BCAS2: variants seen among roughly 807,000 people sequenced by gnomAD.
The protein encoded by BCAS2 is pre-mRNA-splicing factor SPF27.
In BCAS2, 34 loss-of-function variants were observed where a neutral mutation model predicts 35.3. The ratio of observed to expected loss-of-function variants is 0.96; its 90% CI spans 0.73 to 1.28. The LOEUF (loss-of-function observed/expected upper bound fraction) is 1.28. Among genes scored for constraint, BCAS2 ranks in the 50% most tolerant of loss-of-function variants. The pLI, the probability that BCAS2 is intolerant of heterozygous loss-of-function variation, is 0.00. For missense variants in BCAS2, 221 were observed against 268.1 expected, an observed-to-expected ratio of 0.82 and a Z score of 1.23; for synonymous variants, 75 against 91.6, an observed-to-expected ratio of 0.82 and a Z score of 1.03.
chr1:114,570,174 A>G (rs1269104638), intron 5 of BCAS2, 102 bp from the exon 6 acceptor site: 2 of 803,240 alleles, frequency 2.5e-6, no homozygotes, highest in Non-Finnish European at 4.1e-6. Context: ...CATGAGAACA[A>G]TATTATGTAC....
chr1:114,581,198 T>C, intron 2 of BCAS2, 101 bp downstream of exon 2: 1 of 1,159,012 alleles, frequency 8.6e-7, no homozygotes, highest in Non-Finnish European at 1.3e-6. Flanking sequence ...AGGTAAGTAG[T>C]AGCTATGCAG....
rs1004092827 is a variant in BCAS2 at position 114,578,388 on chromosome 1, G to A, written c.187-1630C>T. On this transcript the variant is annotated intron_variant, in intron 2 of 6. Coordinates refer to ENST00000369541, the MANE Select transcript of BCAS2 (RefSeq NM_005872.3). ...AGAAAATTCTGCAGTGACAGACAAGGAGTAAACAGCCAATTAAACACGAGG... is the reference window on the plus strand; with the variant it reads ...AGAAAATTCTGCAGTGACAGACAAGAAGTAAACAGCCAATTAAACACGAGG... 5.3e-4 allele frequency among the ~76,000 whole-genome samples: 80 copies of A among 151,696 alleles called. 1 individual carries two copies. Among genetic ancestry groups the A allele is most frequent in the Non-Finnish European group, 1.9e-4 (13 of 67,986 alleles).
At position 114,568,025 on chromosome 1, in the gene BCAS2, A is replaced by C. The variant is rs1436918554; in HGVS notation, c.*105T>G. 8.3e-6 allele frequency: 12 copies of C among 1,443,918 alleles called. No homozygotes were observed. The East Asian group carries it at 2.3e-4, about 27-fold the overall frequency. 89.4% of individuals were successfully genotyped at this position (1,443,918 alleles called of 1,614,324 possible). A position where few individuals can be genotyped will look rare whatever the true frequency, so the allele number is the denominator to read the frequency against. On this transcript the variant is annotated 3_prime_UTR_variant, in exon 7 of 7. Coordinates refer to ENST00000369541, the MANE Select transcript of BCAS2 (RefSeq NM_005872.3). Reference sequence around the variant, plus strand: ...ACCTTCTATGATTTCTAAACACTTAAACATCAATGGTTTTGGGAAGATGCT... The same window carrying C: ...ACCTTCTATGATTTCTAAACACTTACACATCAATGGTTTTGGGAAGATGCT...
chr1:114,581,181 A>G, intron 2 of BCAS2, 118 bp downstream of exon 2: 1 of 994,690 alleles, frequency 1.0e-6, no homozygotes, highest in Non-Finnish European at 1.6e-6. Context: ...ACTGACACCT[A>G]TACAGTAGGT....
chr1:114,569,176 GAA>G (rs1392600094), intron 6 of BCAS2, among the ~76,000 whole-genome samples: 1 of 152,018 alleles, frequency 6.6e-6, no homozygotes, highest in Non-Finnish European at 1.5e-5. Flanking sequence ...GAAGAAAGAG[GAA>G]AGAGTGATGA....
intron 4 of BCAS2, among the ~76,000 whole-genome samples, chr1:114,573,804 G>A (rs879442965): frequency 1.3e-5 from 2 of 152,094 alleles, no homozygotes; most frequent in African/African-American, 4.8e-5. Flanking sequence ...TGGCTTTGTA[G>A]AGTTTCCCAA....
In BCAS2 at chr1:114,570,058, T is replaced by A. The variant is rs765970249; in HGVS notation, c.485A>T (p.Asp162Val). The A allele has an allele frequency of 2.5e-6, 4 of 1,610,230 alleles. No homozygotes were observed. The highest frequency in any genetic ancestry group is 3.4e-6 in the Non-Finnish European group (4 of 1,176,824). Residue 162 changes from aspartate to valine, a missense_variant, in exon 6 of 7, where the codon GAT (aspartate) becomes GTT (valine). Asp to Val is a radical substitution (Grantham distance 152, BLOSUM62 -3). Transcript: ENST00000369541. ...ELQKLRKHIQ[D>V]LNWQRKNMQL... The stretch of plus-strand genomic sequence containing the variant: ...CATGTTCTTTCTCTGCCAGTTTAAA[T>A]CTTGAATATGTTTTCTGTAAAAAAT...
In BCAS2 at chr1:114,581,615, C is replaced by T. The variant is rs757027294; in HGVS notation, c.-24G>A. On this transcript the variant is annotated 5_prime_UTR_variant, in exon 1 of 7. Coordinates refer to ENST00000369541, the MANE Select transcript of BCAS2 (RefSeq NM_005872.3). ...ATTCTGAGGACCTCAGGTTTGCCTG[C>T]GTTTTCTGCGTCTGCGTAAACTCAG... 6.2e-7 allele frequency: 1 copy of T among 1,610,822 alleles called. No individual in the cohort carries two copies. Among genetic ancestry groups the T allele is most frequent in the South Asian group, 1.1e-5 (1 of 90,934 alleles).
chr1:114,567,864 C>A lies in BCAS2; in HGVS notation c.*266G>T, dbSNP rs1193778145. Reference sequence around the variant, plus strand: ...TGGTCCACATGGCTGAAAATTAATTCTATGACACAATATTATTCTAAAGTC... The same window carrying A: ...TGGTCCACATGGCTGAAAATTAATTATATGACACAATATTATTCTAAAGTC... On this transcript the variant is annotated 3_prime_UTR_variant, in exon 7 of 7. Coordinates refer to ENST00000369541, the MANE Select transcript of BCAS2 (RefSeq NM_005872.3). 1.0e-5 allele frequency: 3 copies of A among 300,784 alleles called. No individual in the cohort carries two copies. The highest frequency in any genetic ancestry group is 4.3e-5 in the African/African-American group (2 of 46,442). 18.6% of individuals were successfully genotyped at this position (300,784 alleles called of 1,614,324 possible). A position where few individuals can be genotyped will look rare whatever the true frequency, so the allele number is the denominator to read the frequency against.
Position 114,570,739 on chromosome 1 carries a change from T to G in BCAS2, c.431A>C (p.His144Pro). ...AWKVYNENLV[H>P]MIEHAQKELQ... is the part of the protein sequence containing the mutation. ...TTCCTTCTGTGCGTGTTCAATCATA[T>G]GAACTAGATTTCTGAAGGAAAAGAG... The change falls in exon 5 of 7, where the codon CAT (histidine) becomes CCT (proline). Residue 144 changes from histidine to proline, a missense_variant. Physicochemically the swap from His to Pro is moderately conservative, Grantham distance 77 (BLOSUM62 -2). Transcript: ENST00000369541. 6.3e-7 allele frequency: 1 copy of G among 1,588,224 alleles called. No individual in the cohort carries two copies. The highest frequency in any genetic ancestry group is 8.6e-7 in the Non-Finnish European group (1 of 1,162,614).
chr1:114,577,154 G>T (rs1013953275), intron 2 of BCAS2, among the ~76,000 whole-genome samples: 4 of 152,150 alleles, frequency 2.6e-5, no homozygotes, highest in Non-Finnish European at 5.9e-5. Context: ...GGTTATGAAG[G>T]CTCAATCCAT....
chr1:114,572,051 C>T (rs1654660452), intron 4 of BCAS2, among the ~76,000 whole-genome samples: 2 of 152,112 alleles, frequency 1.3e-5, no homozygotes. Context: ...ATATCAATTT[C>T]CTCTTAAGGC....
intron 3 of BCAS2, among the ~76,000 whole-genome samples, chr1:114,576,002 T>C (rs1180524592): frequency 6.6e-6 from 1 of 152,160 alleles, no homozygotes; most frequent in Non-Finnish European, 1.5e-5. Flanking sequence ...GATTGTTACA[T>C]TAGCTATTAA....
intron 2 of BCAS2, among the ~76,000 whole-genome samples, chr1:114,577,373 A>T (rs920075138): frequency 1.3e-4 from 20 of 150,678 alleles, no homozygotes; most frequent in Non-Finnish European, 1.9e-4. Context: ...TTATTTATTT[A>T]TTTATTTTTT....
chr1:114,570,193 G>T, intron 5 of BCAS2, 121 bp from the exon 6 acceptor site: 1 of 669,880 alleles, frequency 1.5e-6, no homozygotes, highest in Non-Finnish European at 2.6e-6. Context: ...ACAGTTATAG[G>T]CTAACTGTAG....
intron 4 of BCAS2, 79 bp from the exon 5 acceptor site, chr1:114,570,829 C>T (rs1310970248): frequency 3.0e-6 from 3 of 1,001,068 alleles, no homozygotes; most frequent in East Asian, 5.2e-5. Context: ...AGTTTTTCTG[C>T]CAAAAATCAT....
intron 6 of BCAS2, among the ~76,000 whole-genome samples, chr1:114,568,476 C>T (rs1449022732): frequency 6.6e-6 from 1 of 151,610 alleles, no homozygotes; most frequent in Non-Finnish European, 1.5e-5. Context: ...AAGGGATTCT[C>T]CTGACTCAGC....
chr1:114,580,184 A>G (rs945401246), intron 2 of BCAS2, among the ~76,000 whole-genome samples: 5 of 152,130 alleles, frequency 3.3e-5, no homozygotes, highest in Admixed American at 1.3e-4. Flanking sequence ...TCAGCCTCCT[A>G]AAGTGCTGGG....
At chr1:114,576,543 C>T (rs1018397248) in intron 3 of BCAS2, 145 bp downstream of exon 3, 6 of 539,232 alleles carry the variant, frequency 1.1e-5, no homozygotes, top group Non-Finnish European at 1.6e-5. Flanking sequence ...CAGCCTCGGC[C>T]TCCCAAAGTG....
Sources: allele counts gnomAD v4.1 joint callset (sites outside exome capture counted in the v4.1 genomes callset), GRCh38; gene constraint gnomAD v4.1.1; transcripts MANE v1.5; gene names NCBI Gene and HGNC (gene_info 2026-07-23, HGNC 2026-07-21).